The following DLG2 variants were observed in gnomAD, a reference collection of about 807,000 sequenced individuals.
DLG2 encodes disks large homolog 2.
DLG2 carries 45 observed loss-of-function variants against 132.5 expected under a neutral mutation model. The observed-to-expected ratio is 0.34, with a 90% CI of 0.27 to 0.44. The LOEUF (loss-of-function observed/expected upper bound fraction) is 0.44. DLG2 is among the 20% of genes least tolerant of loss of function. The pLI is 1.00. For missense variants in DLG2, 1,045 were observed against 1,196.9 expected, an observed-to-expected ratio of 0.87 and a Z score of 1.87; for synonymous variants, 424 against 419.6, an observed-to-expected ratio of 1.01 and a Z score of -0.13.
intron 7 of DLG2, among the ~76,000 whole-genome samples, chr11:84,438,650 G>T (rs1329258819): frequency 2.0e-5 from 3 of 151,980 alleles, no homozygotes; most frequent in African/African-American, 7.3e-5. Flanking sequence ...TTAGAGTTTA[G>T]ACTATTATGT....
At chr11:84,457,491 A>G (rs1257428191) in intron 7 of DLG2, among the ~76,000 whole-genome samples, 6 of 151,218 alleles carry the variant, frequency 4.0e-5, no homozygotes, top group African/African-American at 1.4e-4. Context: ...AATATAATCA[A>G]ATGCCAAACT....
At position 85,583,060 on chromosome 11, in the gene DLG2, ATAT is replaced by A. The variant is rs1565716937; in HGVS notation, c.40+15594_40+15596del. Among the ~76,000 whole-genome samples the A allele has an allele frequency of 1.5e-3, 119 of 78,250 alleles. 4 individuals carry two copies. Among genetic ancestry groups the A allele is most frequent in the East Asian group, 0.012 (29 of 2,394 alleles). 51.3% of individuals were successfully genotyped at this position (78,250 alleles called of 152,430 possible). A position where few individuals can be genotyped will look rare whatever the true frequency, so the allele number is the denominator to read the frequency against. ...CTAGAAACCAGGGGAAAAAAAAAAT[ATAT>A]ATATATATATATATAATATATGTGA... On this transcript the variant is annotated intron_variant, in intron 3 of 27. Transcript: ENST00000376104.
intron 11 of DLG2, among the ~76,000 whole-genome samples, chr11:84,006,087 C>A (rs770409933): frequency 1.3e-5 from 2 of 151,650 alleles, no homozygotes; most frequent in Admixed American, 1.3e-4. Flanking sequence ...AAGTATCCAT[C>A]AATGAATAAA....
intron 6 of DLG2, among the ~76,000 whole-genome samples, chr11:84,558,854 A>G (rs1180859695): frequency 6.6e-6 from 1 of 152,134 alleles, no homozygotes; most frequent in Non-Finnish European, 1.5e-5. Flanking sequence ...TGCAAATTTG[A>G]GTCTCAGCTT....
chr11:84,476,708 A>G (rs1034739172), intron 7 of DLG2, among the ~76,000 whole-genome samples: 5 of 152,172 alleles, frequency 3.3e-5, no homozygotes, highest in Admixed American at 1.3e-4. Flanking sequence ...ATGTTGTGAG[A>G]AGTCCAGGCC....
intron 8 of DLG2, among the ~76,000 whole-genome samples, chr11:84,174,431 T>C (rs1236833195): frequency 6.6e-6 from 1 of 152,160 alleles, no homozygotes; most frequent in Non-Finnish European, 1.5e-5. Context: ...CCTACCTTTC[T>C]AGCTAAATAC....
intron 3 of DLG2, among the ~76,000 whole-genome samples, chr11:85,439,071 A>G (rs2091640525): frequency 6.6e-6 from 1 of 152,134 alleles, no homozygotes. Context: ...TATACCACAG[A>G]TTGTTTAACT....
At chr11:85,307,333 T>C (rs979621975) in intron 3 of DLG2, among the ~76,000 whole-genome samples, 3 of 152,082 alleles carry the variant, frequency 2.0e-5, no homozygotes, top group African/African-American at 7.2e-5. Flanking sequence ...GTTAGAGATA[T>C]ATAATACATA....
chr11:83,570,308 TAG>T (rs1184578186), intron 19 of DLG2, among the ~76,000 whole-genome samples: 1 of 152,142 alleles, frequency 6.6e-6, no homozygotes, highest in Non-Finnish European at 1.5e-5. Flanking sequence ...ACGTACAGAA[TAG>T]AGATGAAAAT....
rs1466054995 is a variant in DLG2 at position 84,928,994 on chromosome 11, A to G, written c.357+182667T>C. Among the ~76,000 whole-genome samples, 429 of 116,278 alleles carry G rather than the reference A, an allele frequency of 3.7e-3. 2 individuals are homozygous for G. The highest frequency in any genetic ancestry group is 8.7e-3 in the South Asian group (31 of 3,552). 76.3% of individuals were successfully genotyped at this position (116,278 alleles called of 152,430 possible). ...TGTGTGTGTGTGTGTATATATATAT[A>G]TATATATATATATATATATATATAT... On this transcript the variant is annotated intron_variant, in intron 6 of 27. Transcript: ENST00000376104.
intron 6 of DLG2, among the ~76,000 whole-genome samples, chr11:84,643,377 C>T (rs2099670556): frequency 6.6e-6 from 1 of 152,196 alleles, no homozygotes; most frequent in African/African-American, 2.4e-5. Context: ...ATAACCATTA[C>T]ATAAGCAGCT....
At chr11:84,092,084 T>C (rs1227700797) in intron 10 of DLG2, among the ~76,000 whole-genome samples, 1 of 152,344 alleles carries the variant, frequency 6.6e-6, no homozygotes, top group East Asian at 1.9e-4. Flanking sequence ...TAAATCAAAG[T>C]CAAATGATTA....
chr11:84,564,702 G>C (rs1329394703), intron 6 of DLG2, among the ~76,000 whole-genome samples: 1 of 152,156 alleles, frequency 6.6e-6, no homozygotes, highest in Non-Finnish European at 1.5e-5. Flanking sequence ...CTGTAAAATG[G>C]TTTGGGTTAA....
intron 10 of DLG2, among the ~76,000 whole-genome samples, chr11:84,068,503 A>G (rs529275696): frequency 6.6e-6 from 1 of 152,266 alleles, no homozygotes; most frequent in South Asian, 2.1e-4. Flanking sequence ...GTGTTCCTCC[A>G]TTAGGTACTT....
chr11:84,606,972 TTA>T (rs1201677324), intron 6 of DLG2, among the ~76,000 whole-genome samples: 1 of 152,144 alleles, frequency 6.6e-6, no homozygotes, highest in Non-Finnish European at 1.5e-5. Context: ...TGAAAGCATT[TTA>T]TATGTTTCTA....
At chr11:85,040,123 T>G (rs2061732362) in intron 6 of DLG2, among the ~76,000 whole-genome samples, 1 of 151,902 alleles carries the variant, frequency 6.6e-6, no homozygotes, top group Non-Finnish European at 1.5e-5. Context: ...AGATCATAAA[T>G]TATAACCCTA....
At chr11:84,750,176 TAAGTTC>T (rs1360416616) in intron 6 of DLG2, among the ~76,000 whole-genome samples, 1 of 152,130 alleles carries the variant, frequency 6.6e-6, no homozygotes. Context: ...ATTTTTATGT[TAAGTTC>T]TAGGGTACAT....
chr11:83,711,594 TAACTACCC>T (rs2085441563), intron 18 of DLG2, among the ~76,000 whole-genome samples: 2 of 152,326 alleles, frequency 1.3e-5, no homozygotes, highest in East Asian at 3.9e-4. Flanking sequence ...GTGACCAAGG[TAACTACCC>T]AGCTAGCCAG....
At chr11:83,791,184 G>A (rs1183344977) in intron 17 of DLG2, 2 of 637,144 alleles carry the variant, frequency 3.1e-6, no homozygotes, top group Non-Finnish European at 2.8e-6. Context: ...CTGCAGTGAT[G>A]GCTGCGGAGG....
Sources: gnomAD v4.1 joint callset for allele counts (sites outside exome capture counted in the v4.1 genomes callset) on GRCh38, gnomAD v4.1.1 for gene constraint, MANE v1.5 for transcripts, NCBI Gene and HGNC (gene_info 2026-07-23, HGNC 2026-07-21) for gene names.